The following DTL variants were observed in gnomAD, a reference collection of about 807,000 sequenced individuals.
DTL encodes denticleless protein homolog.
A neutral mutation model predicts 87.0 loss-of-function variants in DTL; 46 were observed. That is an observed-to-expected ratio of 0.53 (90% confidence interval 0.42 to 0.68). The LOEUF is 0.68. DTL is among the 30% of genes least tolerant of loss of function. The probability of loss-of-function intolerance (pLI) is 0.00; values close to 1 mark genes in which losing one functional copy is unlikely to be tolerated. For synonymous variants in DTL, 308 were observed against 311.2 expected, an observed-to-expected ratio of 0.99 and a Z score of 0.11; for missense variants, 737 against 869.4, an observed-to-expected ratio of 0.85 and a Z score of 1.91.
At position 212,100,343 on chromosome 1, in the gene DTL, C is replaced by T; in HGVS notation, c.1353C>T (p.Ala451=). 6.2e-7 allele frequency: 1 copy of T among 1,613,866 alleles called. No homozygotes were observed. The highest frequency in any genetic ancestry group is 8.5e-7 in the Non-Finnish European group (1 of 1,179,964). The change falls in exon 14 of 15, where the codon GCC becomes GCT. Residue 451 remains alanine (A), a synonymous_variant. Coordinates refer to ENST00000366991, the MANE Select transcript of DTL (RefSeq NM_016448.4). ...CTTCCCCGTCATCCGCAGCTTGTGC[C>T]CCAAGCTGTGCTGGAGACCTCCCTC... ...SNSSPSSAAC[A]PSCAGDLPLP... is the part of the protein sequence containing the mutation.
At chr1:212,043,780 A>G (rs546416029) in intron 2 of DTL, among the ~76,000 whole-genome samples, 1 of 151,626 alleles carries the variant, frequency 6.6e-6, no homozygotes, top group African/African-American at 2.4e-5. Flanking sequence ...CAGTGAGCCA[A>G]GATCGTGCCA....
chr1:212,083,871 C>G (rs1180703553), intron 13 of DTL, among the ~76,000 whole-genome samples: 2 of 151,884 alleles, frequency 1.3e-5, no homozygotes, highest in Non-Finnish European at 2.9e-5. Flanking sequence ...CTGCTAGCCT[C>G]AAGTTGACTC....
rs1351193071 is a variant in DTL, at chr1:212,100,803, C to G, written c.1813C>G (p.Pro605Ala). The change falls in exon 14 of 15, where the codon CCT becomes GCT. Residue 605 changes from proline (P) to alanine (A), a missense_variant. Transcript: ENST00000366991. The part of the protein sequence containing the change: ...QEDLSKDSLG[P>A]TKSSKIEGAG... Reference sequence around the variant, plus strand: ...AGACCTTAGTAAGGACTCTCTAGGTCCTACCAAATCAAGCAAAATTGAAGG... The same window carrying G: ...AGACCTTAGTAAGGACTCTCTAGGTGCTACCAAATCAAGCAAAATTGAAGG... 5 of 1,614,024 alleles carry G rather than the reference C, an allele frequency of 3.1e-6. No homozygotes were observed.
intron 7 of DTL, 35 bp downstream of exon 7, chr1:212,065,064 C>T: frequency 2.8e-6 from 4 of 1,428,464 alleles, no homozygotes; most frequent in Non-Finnish European, 4.0e-6. Context: ...GTGTGCAGAT[C>T]TTATCTGTAG....
intron 13 of DTL, among the ~76,000 whole-genome samples, chr1:212,092,523 G>A (rs375615082): frequency 9.3e-5 from 14 of 151,208 alleles, no homozygotes; most frequent in Middle Eastern, 3.4e-3. Context: ...GTGACAGAGC[G>A]AGACTCCGTC....
Position 212,078,224 on chromosome 1 carries a change from G to A in DTL, c.1087G>A (p.Val363Ile), listed in dbSNP as rs1486482890. The A allele has an allele frequency of 1.9e-6, 3 of 1,612,802 alleles. No individual in the cohort carries two copies. The highest frequency in any genetic ancestry group is 4.5e-5 in the East Asian group (2 of 44,862). ...PTVLLGHSQE[V>I]TSVCWCPSDF... ...TGTGCTCCTGGGTCATTCTCAAGAG[G>A]TCACGTCTGTGTGCTGGTGTCCATC... The change falls in exon 12 of 15, where the codon GTC becomes ATC. Residue 363 changes from valine to isoleucine, a missense_variant. Coordinates refer to ENST00000366991, the MANE Select transcript of DTL (RefSeq NM_016448.4).
intron 13 of DTL, among the ~76,000 whole-genome samples, chr1:212,092,495 C>T (rs1035535530): frequency 6.6e-6 from 1 of 151,870 alleles, no homozygotes; most frequent in Non-Finnish European, 1.5e-5. Context: ...AAGATCGTGC[C>T]ACTGCACTCC....
At chr1:212,099,334 A>G (rs1655542870) in intron 13 of DTL, among the ~76,000 whole-genome samples, 1 of 152,158 alleles carries the variant, frequency 6.6e-6, no homozygotes, top group Non-Finnish European at 1.5e-5. Flanking sequence ...CCCAGGTTCA[A>G]GCAACTCTTC....
chr1:212,069,461 C>T (rs7415591), intron 10 of DTL, among the ~76,000 whole-genome samples: 3,992 of 152,000 alleles, frequency 0.026, 59 homozygotes, highest in African/African-American at 0.047. Flanking sequence ...CCAGTTTCCA[C>T]TAAAGTAAAA....
chr1:212,061,341 A>T (rs546194753), intron 5 of DTL, among the ~76,000 whole-genome samples: 4 of 152,216 alleles, frequency 2.6e-5, no homozygotes, highest in Non-Finnish European at 5.9e-5. Context: ...ACTGCTCAAC[A>T]TGACTAATAA....
chr1:212,041,477 G>A (rs762778930), intron 1 of DTL, among the ~76,000 whole-genome samples: 2 of 129,986 alleles, frequency 1.5e-5, no homozygotes, highest in Middle Eastern at 5.5e-3. Flanking sequence ...GTTAATACTT[G>A]TGACCTCAAC....
intron 12 of DTL, among the ~76,000 whole-genome samples, chr1:212,080,014 A>T (rs1654943949): frequency 6.6e-6 from 1 of 152,224 alleles, no homozygotes; most frequent in African/African-American, 2.4e-5. Flanking sequence ...GAATAGTCAG[A>T]TATTTTTAAA....
intron 11 of DTL, among the ~76,000 whole-genome samples, chr1:212,074,257 A>G (rs1654765501): frequency 6.6e-6 from 1 of 151,104 alleles, no homozygotes; most frequent in African/African-American, 2.4e-5. Flanking sequence ...TTATGTGTAT[A>G]ATTATATATT....
At chr1:212,072,898 G>C (rs1323378305) in intron 11 of DTL, among the ~76,000 whole-genome samples, 1 of 151,590 alleles carries the variant, frequency 6.6e-6, no homozygotes, top group Non-Finnish European at 1.5e-5. Context: ...CGAATAACTG[G>C]GACTACAGGT....
intron 5 of DTL, among the ~76,000 whole-genome samples, chr1:212,051,200 T>C (rs1256585288): frequency 6.6e-6 from 1 of 152,044 alleles, no homozygotes. Flanking sequence ...GCCTTAACCT[T>C]TCTGCAAGTA....
At chr1:212,076,306 C>T (rs1475070475) in intron 11 of DTL, among the ~76,000 whole-genome samples, 1 of 152,076 alleles carries the variant, frequency 6.6e-6, no homozygotes, top group Non-Finnish European at 1.5e-5. Context: ...ACTTTTAATG[C>T]TATGTAAAGT....
chr1:212,035,895 T>C lies in DTL; in HGVS notation c.5T>C (p.Leu2Pro), dbSNP rs1399556357. ...GAGGCTTTTCCTCCGACCCTGATGCTCTTCAATTCGGTGCTCCGCCAGCCC... is the reference window on the plus strand; with the variant it reads ...GAGGCTTTTCCTCCGACCCTGATGCCCTTCAATTCGGTGCTCCGCCAGCCC... M[L>P]FNSVLRQPQL... is the part of the protein sequence containing the mutation. Residue 2 changes from leucine (L) to proline (P), a missense_variant, in exon 1 of 15, where the codon CTC (leucine) becomes CCC (proline). Physicochemically the swap from Leu to Pro is moderately conservative, Grantham distance 98. Transcript: ENST00000366991. 5.6e-6 allele frequency: 9 copies of C among 1,614,148 alleles called. No homozygotes were observed. Among genetic ancestry groups the C allele is most frequent in the Non-Finnish European group, 7.6e-6 (9 of 1,180,020 alleles).
chr1:212,080,627 T>G lies in DTL; in HGVS notation c.1138T>G (p.Ser380Ala). The change falls in exon 13 of 15, where the codon TCT becomes GCT. Residue 380 changes from serine to alanine, a missense_variant. Physicochemically the swap from Ser to Ala is moderately conservative, Grantham distance 99. Coordinates refer to ENST00000366991, the MANE Select transcript of DTL (RefSeq NM_016448.4). The stretch of plus-strand genomic sequence containing the variant: ...TACTCCCTCTTAGATTGCTACCTGT[T>G]CTGATGACAATACACTAAAAATCTG... ...PSDFTKIATCSDDNTLKIWRL... is the reference protein window; with the variant it reads ...PSDFTKIATCADDNTLKIWRL... The G allele has an allele frequency of 6.2e-7, 1 of 1,613,124 alleles. No individual in the cohort carries two copies. The highest frequency in any genetic ancestry group is 8.5e-7 in the Non-Finnish European group (1 of 1,179,412).
chr1:212,101,184 A>C, intron 14 of DTL, 100 bp downstream of exon 14: 1 of 897,806 alleles, frequency 1.1e-6, no homozygotes, highest in Non-Finnish European at 1.6e-6. Flanking sequence ...TTAAAGAAAG[A>C]AATCTATTTA....
Sources: gnomAD v4.1 joint callset for allele counts (sites outside exome capture counted in the v4.1 genomes callset) on GRCh38, gnomAD v4.1.1 for gene constraint, MANE v1.5 for transcripts, NCBI Gene and HGNC (gene_info 2026-07-23, HGNC 2026-07-21) for gene names.